Variants in PIP5K1B observed in about 807,000 individuals in gnomAD.
PIP5K1B encodes phosphatidylinositol 4-phosphate 5-kinase type-1 beta.
A neutral mutation model predicts 67.0 loss-of-function variants in PIP5K1B; 42 were observed. The ratio of observed to expected loss-of-function variants is 0.63; its 90% CI spans 0.49 to 0.81. PIP5K1B has a LOEUF of 0.81. PIP5K1B is among the 30% of genes least tolerant of loss of function. The probability of loss-of-function intolerance (pLI) is 0.00; values close to 1 mark genes in which losing one functional copy is unlikely to be tolerated. For missense variants in PIP5K1B, 459 were observed against 646.3 expected, an observed-to-expected ratio of 0.71 and a Z score of 3.14; for synonymous variants, 214 against 231.4, an observed-to-expected ratio of 0.92 and a Z score of 0.68.
intron 5 of PIP5K1B, among the ~76,000 whole-genome samples, chr9:68,867,848 T>G (rs918119032): frequency 6.6e-6 from 1 of 152,192 alleles, no homozygotes; most frequent in Admixed American, 6.6e-5. Flanking sequence ...AACGAGTCTA[T>G]CTGGGTCATA....
At chr9:68,801,516 A>G (rs1832603643) in intron 2 of PIP5K1B, among the ~76,000 whole-genome samples, 1 of 152,204 alleles carries the variant, frequency 6.6e-6, no homozygotes, top group African/African-American at 2.4e-5. Context: ...GATTTGAAAT[A>G]TATTCCAAGA....
intron 8 of PIP5K1B, among the ~76,000 whole-genome samples, chr9:68,906,064 G>A (rs1825596389): frequency 6.6e-6 from 1 of 152,102 alleles, no homozygotes; most frequent in Non-Finnish European, 1.5e-5. Flanking sequence ...TGTTGCCCAG[G>A]CTGGAGCTTG....
At position 68,705,596 on chromosome 9, in the gene PIP5K1B, C is replaced by T. The variant is rs1272912708; in HGVS notation, c.-409C>T. 1.4e-5 allele frequency: 2 copies of T among 146,980 alleles called. No homozygotes were observed. The highest frequency in any genetic ancestry group is 3.1e-5 in the Non-Finnish European group (2 of 65,432). 9.1% of individuals were successfully genotyped at this position (146,980 alleles called of 1,614,324 possible). ...CCCGCCCTCAGCGTTGCCCCCGGCC[C>T]CGGCCCCGCCCGCCGCCCCCTCCGC... On this transcript the variant is annotated 5_prime_UTR_variant, in exon 1 of 16. Transcript: ENST00000265382.
chr9:68,990,620 C>T (rs960679083), intron 14 of PIP5K1B, among the ~76,000 whole-genome samples: 1 of 148,892 alleles, frequency 6.7e-6, no homozygotes, highest in Admixed American at 6.8e-5. Flanking sequence ...TGAGGTATCT[C>T]GTGTGCTGGT....
intron 15 of PIP5K1B, among the ~76,000 whole-genome samples, chr9:69,002,451 G>A (rs1038918142): frequency 9.9e-5 from 15 of 152,108 alleles, no homozygotes; most frequent in East Asian, 1.9e-4. Context: ...GCACTAGCAC[G>A]TGTATTTGTT....
chr9:68,756,268 C>T (rs1020107667), intron 2 of PIP5K1B, among the ~76,000 whole-genome samples: 4 of 152,054 alleles, frequency 2.6e-5, no homozygotes, highest in Non-Finnish European at 5.9e-5. Flanking sequence ...TTTCCAAAGC[C>T]GAAAAAGGAA....
chr9:69,001,127 G>A (rs557447941), intron 15 of PIP5K1B, among the ~76,000 whole-genome samples: 2 of 151,312 alleles, frequency 1.3e-5, no homozygotes, highest in South Asian at 2.1e-4. Flanking sequence ...GGCTGGTCTC[G>A]AACTCCTGAC....
Position 68,894,676 on chromosome 9 carries a change from T to A in PIP5K1B, c.771+38T>A, listed in dbSNP as rs1054161046. 14 of 1,581,304 alleles carry A rather than the reference T, an allele frequency of 8.9e-6. No homozygotes were observed. In the Admixed American group the frequency reaches 2.0e-4, roughly 23 times the overall value. On this transcript the variant is annotated intron_variant, in intron 8 of 15. Coordinates refer to ENST00000265382, the MANE Select transcript of PIP5K1B (RefSeq NM_003558.4). ...GATTGTTGTGATTTCCTTTGAACTC[T>A]GTGCTCATGTAAACTGTGGCTGCCA...
chr9:68,848,601 A>T (rs943805733), intron 4 of PIP5K1B, among the ~76,000 whole-genome samples: 2 of 152,230 alleles, frequency 1.3e-5, no homozygotes, highest in Non-Finnish European at 2.9e-5. Flanking sequence ...AAAAGGCTAG[A>T]GAAGTGTAAA....
chr9:68,896,368 A>T (rs954889036), intron 8 of PIP5K1B, among the ~76,000 whole-genome samples: 7 of 151,530 alleles, frequency 4.6e-5, no homozygotes, highest in African/African-American at 1.7e-4. Flanking sequence ...AAAAAAGCAA[A>T]TGTAAAAGAG....
At chr9:68,968,809 G>A (rs574486544) in intron 14 of PIP5K1B, among the ~76,000 whole-genome samples, 5 of 151,572 alleles carry the variant, frequency 3.3e-5, no homozygotes, top group Admixed American at 1.3e-4. Context: ...TCCCAGTTAT[G>A]TCTCATGAAA....
intron 2 of PIP5K1B, among the ~76,000 whole-genome samples, chr9:68,752,006 T>G (rs748671911): frequency 3.8e-4 from 58 of 152,222 alleles, no homozygotes; most frequent in Admixed American, 9.2e-4. Context: ...CCTTAACATT[T>G]TATATATATG....
At chr9:68,968,098 A>G (rs1255632894) in intron 14 of PIP5K1B, among the ~76,000 whole-genome samples, 1 of 152,258 alleles carries the variant, frequency 6.6e-6, no homozygotes, top group Non-Finnish European at 1.5e-5. Context: ...TTATGTTAGT[A>G]TAACCTTGGG....
intron 2 of PIP5K1B, among the ~76,000 whole-genome samples, chr9:68,743,070 T>C (rs1829094222): frequency 6.6e-6 from 1 of 152,324 alleles, no homozygotes; most frequent in Middle Eastern, 3.4e-3. Flanking sequence ...TACCAGATTT[T>C]GTACTAGGCC....
chr9:68,778,782 C>CCT (rs560822700), intron 2 of PIP5K1B, among the ~76,000 whole-genome samples: 7 of 152,182 alleles, frequency 4.6e-5, no homozygotes, highest in Non-Finnish European at 8.8e-5. Flanking sequence ...CAACTCTTAC[C>CCT]CTCTCCTAAC....
intron 1 of PIP5K1B, among the ~76,000 whole-genome samples, chr9:68,733,627 CTTTTTTTTTTTTTTTTT>C (rs35759487): frequency 1.8e-5 from 1 of 56,464 alleles, no homozygotes; most frequent in African/African-American, 7.9e-5. Flanking sequence ...TACTTAGACT[CTTTTTTTTTTTTTTTTT>C]TTTTTTTTTT....
chr9:68,809,974 G>T (rs944706671), intron 2 of PIP5K1B, among the ~76,000 whole-genome samples: 5 of 152,192 alleles, frequency 3.3e-5, no homozygotes, highest in African/African-American at 1.2e-4. Flanking sequence ...CTCCATAAAT[G>T]TTCATTGAAT....
chr9:68,721,629 A>G (rs1037389342), intron 1 of PIP5K1B, among the ~76,000 whole-genome samples: 5 of 152,064 alleles, frequency 3.3e-5, no homozygotes, highest in Admixed American at 3.3e-4. Flanking sequence ...TCCATGATGG[A>G]GACACTGGCT....
In PIP5K1B at chr9:68,705,472, C is replaced by T. The variant is rs1827074128; in HGVS notation, c.-533C>T. Reference sequence around the variant, plus strand: ...GAAGGGGAAAGCGGGGACACACACACTCGCCGCGGCGCGCGCGCACTGCAC... The same window carrying T: ...GAAGGGGAAAGCGGGGACACACACATTCGCCGCGGCGCGCGCGCACTGCAC... On this transcript the variant is annotated 5_prime_UTR_variant, in exon 1 of 16. Coordinates refer to ENST00000265382, the MANE Select transcript of PIP5K1B (RefSeq NM_003558.4). The T allele has an allele frequency of 6.6e-6, 1 of 151,472 alleles. No individual in the cohort carries two copies. The highest frequency in any genetic ancestry group is 1.5e-5 in the Non-Finnish European group (1 of 67,774). The allele number at this position is 151,472 out of a possible 1,614,324, so 9.4% of individuals were successfully genotyped here.
Sources: gnomAD v4.1 joint callset for allele counts (sites outside exome capture counted in the v4.1 genomes callset) on GRCh38, gnomAD v4.1.1 for gene constraint, MANE v1.5 for transcripts, NCBI Gene and HGNC (gene_info 2026-07-23, HGNC 2026-07-21) for gene names.